SAP30BP: variants seen among roughly 807,000 people sequenced by gnomAD.
The protein encoded by SAP30BP is SAP30-binding protein.
Under a neutral mutation model 46.3 loss-of-function variants are expected in SAP30BP, and 31 were observed. The ratio of observed to expected loss-of-function variants is 0.67; its 90% CI spans 0.50 to 0.90. The LOEUF (loss-of-function observed/expected upper bound fraction) is 0.90. Ranked by LOEUF, SAP30BP falls within the 40% of genes least tolerant of loss-of-function variation. SAP30BP has a pLI of 0.00. For missense variants in SAP30BP, 312 were observed against 391.0 expected (o/e 0.80, Z 1.70); for synonymous variants, 169 against 144.2 (o/e 1.17, Z -1.23).
intron 3 of SAP30BP, among the ~76,000 whole-genome samples, chr17:75,690,337 A>G (rs369030609): frequency 6.6e-6 from 1 of 152,096 alleles, no homozygotes; most frequent in Non-Finnish European, 1.5e-5. Context: ...AATAGAGGTC[A>G]CTTTTATTGG....
intron 3 of SAP30BP, chr17:75,683,443 A>G (rs762184951): frequency 1.3e-5 from 2 of 152,120 alleles, no homozygotes; most frequent in South Asian, 2.1e-4. Context: ...TAGTAGTGAC[A>G]CCAGTCCTTA....
chr17:75,671,702 G>A lies in SAP30BP; in HGVS notation c.217-114G>A, dbSNP rs1415091998. 1.9e-5 allele frequency: 15 copies of A among 773,496 alleles called. No individual in the cohort carries two copies. In the Admixed American group the frequency reaches 2.5e-4, roughly 13 times the overall value. 47.9% of individuals were successfully genotyped at this position (773,496 alleles called of 1,614,324 possible). On this transcript the variant is annotated intron_variant, in intron 2 of 10. Transcript: ENST00000584667. ...TTATATGGTAGGGGAGGGATTCTTG[G>A]TGGGATGACCCCAGCTGGGTAAATG...
chr17:75,689,391 G>T (rs2060210106), intron 3 of SAP30BP, among the ~76,000 whole-genome samples: 1 of 152,066 alleles, frequency 6.6e-6, no homozygotes, highest in African/African-American at 2.4e-5. Context: ...CCCCCAGCCT[G>T]TTTTTCCTTG....
chr17:75,674,702 T>TG (rs1555718051), intron 3 of SAP30BP, among the ~76,000 whole-genome samples: 62 of 51,998 alleles, frequency 1.2e-3, no homozygotes, highest in African/African-American at 2.6e-3. Flanking sequence ...TTTTTGTTTT[T>TG]TTTTTTTTTT....
chr17:75,701,539 T>C (rs182981921), intron 5 of SAP30BP, among the ~76,000 whole-genome samples: 1 of 152,322 alleles, frequency 6.6e-6, no homozygotes, highest in East Asian at 1.9e-4. Context: ...GCCAGGGCAG[T>C]GACCTGTGGG....
intron 3 of SAP30BP, among the ~76,000 whole-genome samples, chr17:75,674,697 G>GTTTTTTGTTTTTTTTT (rs2059960357): frequency 3.2e-5 from 2 of 61,550 alleles, no homozygotes; most frequent in Non-Finnish European, 6.7e-5. Flanking sequence ...TTTGTTTTTT[G>GTTTTTTGTTTTTTTTT]TTTTTTTTTT....
intron 7 of SAP30BP, 147 bp downstream of exon 7, chr17:75,703,518 C>T (rs2060446802): frequency 1.4e-6 from 1 of 711,564 alleles, no homozygotes; most frequent in East Asian, 2.7e-5. Context: ...GTTTGAGTCC[C>T]TATTGTTCTG....
In SAP30BP at chr17:75,691,331, AAAAAT is replaced by A. The variant is rs1213382283; in HGVS notation, c.265-2100_265-2096del. 19 of 427,508 alleles carry A rather than the reference AAAAAT, an allele frequency of 4.4e-5. 1 individual carries two copies. Among genetic ancestry groups the A allele is most frequent in the Admixed American group, 1.1e-4 (4 of 35,382 alleles). 26.5% of individuals were successfully genotyped at this position (427,508 alleles called of 1,614,324 possible). On this transcript the variant is annotated intron_variant, in intron 3 of 10. Transcript: ENST00000584667. ...GAACTGAAGAGCCAACCTAAAGGAA[AAAAAT>A]AAAATAAAGGGATAAAATACTTCCT...
intron 2 of SAP30BP, 130 bp downstream of exon 2, chr17:75,668,755 G>A (rs1312527474): frequency 3.2e-6 from 2 of 615,898 alleles, no homozygotes; most frequent in South Asian, 2.1e-5. Flanking sequence ...TTTAGTATTA[G>A]TGGAAGAAAC....
At chr17:75,682,416 C>G (rs1344828166) in intron 3 of SAP30BP, among the ~76,000 whole-genome samples, 1 of 152,014 alleles carries the variant, frequency 6.6e-6, no homozygotes, top group African/African-American at 2.4e-5. Context: ...AACTCCTGAC[C>G]TCAGGTGATA....
At chr17:75,671,687 G>T in intron 2 of SAP30BP, 129 bp from the exon 3 acceptor site, 1 of 723,454 alleles carries the variant, frequency 1.4e-6, no homozygotes, top group Admixed American at 2.1e-5. Flanking sequence ...TTATATGGTA[G>T]GGGAGGGATT....
At chr17:75,690,798 C>G (rs1192477755) in intron 3 of SAP30BP, 3 of 455,850 alleles carry the variant, frequency 6.6e-6, no homozygotes, top group African/African-American at 6.0e-5. Flanking sequence ...GGCAGATTCC[C>G]AGATTGATTC....
chr17:75,706,009 T>TG lies in SAP30BP; in HGVS notation c.662_663insG (p.Ile221MetfsTer2). ...ATTCTCTTCCCTCTCCCTCTCCAGA[T>TG]TGAGTTTGTGACGGGCACCAAAAAA... On this transcript the variant is annotated frameshift_variant and splice_region_variant, in exon 10 of 11. Coordinates refer to ENST00000584667, the MANE Select transcript of SAP30BP (RefSeq NM_013260.8). LOFTEE classifies it high-confidence loss of function. The surrounding 1 kb of genome is among the most constrained non-coding windows in gnomAD (Gnocchi z 4.6). 1 of 1,613,152 alleles carries TG rather than the reference T, an allele frequency of 6.2e-7. No individual in the cohort carries two copies. The highest frequency in any genetic ancestry group is 8.5e-7 in the Non-Finnish European group (1 of 1,179,856).
intron 9 of SAP30BP, chr17:75,705,606 C>T (rs2060484110): frequency 9.6e-7 from 1 of 1,043,194 alleles, no homozygotes; most frequent in South Asian, 3.5e-5. Context: ...CCTTCCAAAC[C>T]CCAGGCTTGT....
chr17:75,705,912 A>G (rs1271170300), intron 9 of SAP30BP, 96 bp from the exon 10 acceptor site: 1 of 1,535,252 alleles, frequency 6.5e-7, no homozygotes, highest in African/African-American at 1.4e-5. Flanking sequence ...TCTTTTGTGT[A>G]GTGCCAAGCT....
chr17:75,668,885 G>T (rs1240075057), intron 2 of SAP30BP, among the ~76,000 whole-genome samples: 1 of 152,116 alleles, frequency 6.6e-6, no homozygotes, highest in African/African-American at 2.4e-5. Flanking sequence ...AGATATCAAT[G>T]GGTGTTTTAT....
intron 3 of SAP30BP, among the ~76,000 whole-genome samples, chr17:75,683,148 A>G (rs892558959): frequency 9.4e-5 from 14 of 149,500 alleles, no homozygotes; most frequent in African/African-American, 2.9e-4. Context: ...GGTTCAAGCA[A>G]TTCTTCTGCC....
intron 3 of SAP30BP, among the ~76,000 whole-genome samples, chr17:75,677,106 CT>C (rs35919373): frequency 0.26 from 29,529 of 112,828 alleles, 2,123 homozygotes; most frequent in East Asian, 0.45. Flanking sequence ...TGGCAGAAAA[CT>C]TTTTTTTTTT....
chr17:75,700,578 ACACCGCCCTAACG>A (rs1156532437), intron 5 of SAP30BP, among the ~76,000 whole-genome samples: 1 of 152,206 alleles, frequency 6.6e-6, no homozygotes, highest in Non-Finnish European at 1.5e-5. Context: ...CAAGCCCGTG[ACACCGCCCTAACG>A]GATGGATGAC....
Sources: allele counts gnomAD v4.1 joint callset (sites outside exome capture counted in the v4.1 genomes callset), GRCh38; gene constraint gnomAD v4.1.1; non-coding constraint Gnocchi (gnomAD v3.1); transcripts MANE v1.5; gene names NCBI Gene and HGNC (gene_info 2026-07-23, HGNC 2026-07-21).